Variants in CTNNA3 observed in about 807,000 individuals in gnomAD.
The protein encoded by CTNNA3 is catenin alpha 3, also known as catenin alpha-3.
A neutral mutation model predicts 95.7 loss-of-function variants in CTNNA3; 76 were observed. That is an observed-to-expected ratio of 0.79 (90% confidence interval 0.66 to 0.96). CTNNA3 has a LOEUF of 0.96. Ranked by LOEUF, CTNNA3 falls within the 40% of genes least tolerant of loss-of-function variation. The pLI is 0.00. For missense variants in CTNNA3, 1,191 were observed against 1,089.8 expected (o/e 1.09, Z -1.31); for synonymous variants, 431 against 374.4 (o/e 1.15, Z -1.74).
intron 15 of CTNNA3, among the ~76,000 whole-genome samples, chr10:66,056,427 T>C (rs2080089273): frequency 6.6e-6 from 1 of 152,152 alleles, no homozygotes; most frequent in Admixed American, 6.6e-5. Context: ...GTGAATTCTG[T>C]TTGCTAGTAT....
chr10:66,519,541 T>C (rs1175761350), intron 11 of CTNNA3, among the ~76,000 whole-genome samples: 1 of 152,130 alleles, frequency 6.6e-6, no homozygotes, highest in African/African-American at 2.4e-5. Context: ...ATCTCTCTGC[T>C]CAGTGAGATA....
At chr10:67,408,881 A>C (rs1432641442) in intron 5 of CTNNA3, among the ~76,000 whole-genome samples, 12 of 103,542 alleles carry the variant, frequency 1.2e-4, no homozygotes, top group African/African-American at 3.6e-4. Flanking sequence ...ACTTAAATTT[A>C]CAAAAAAAAA....
chr10:67,067,246 T>G (rs959101819), intron 7 of CTNNA3, among the ~76,000 whole-genome samples: 8 of 152,208 alleles, frequency 5.3e-5, no homozygotes, highest in Non-Finnish European at 1.0e-4. Context: ...TATTTATATA[T>G]TTGTCTGTTC....
At chr10:66,051,397 C>T (rs1451540305) in intron 15 of CTNNA3, among the ~76,000 whole-genome samples, 3 of 152,174 alleles carry the variant, frequency 2.0e-5, no homozygotes, top group Non-Finnish European at 4.4e-5. Flanking sequence ...TCCTGGACTT[C>T]GTTCCACTGC....
At chr10:67,604,144 T>C (rs766007554) in intron 3 of CTNNA3, among the ~76,000 whole-genome samples, 35 of 152,330 alleles carry the variant, frequency 2.3e-4, no homozygotes, top group Middle Eastern at 3.4e-3. Flanking sequence ...TTTGTGTAAG[T>C]ACACTCTATG....
chr10:66,224,719 A>G (rs977070050), intron 13 of CTNNA3, among the ~76,000 whole-genome samples: 2 of 152,186 alleles, frequency 1.3e-5, no homozygotes, highest in African/African-American at 4.8e-5. Context: ...TGGCTTTCTT[A>G]AAATACGAAC....
intron 2 of CTNNA3, among the ~76,000 whole-genome samples, chr10:67,639,253 T>G (rs943151973): frequency 6.6e-6 from 1 of 152,082 alleles, no homozygotes; most frequent in Non-Finnish European, 1.5e-5. Context: ...CTAGAAAATC[T>G]CAAAGAAATG....
intron 5 of CTNNA3, among the ~76,000 whole-genome samples, chr10:67,291,095 T>C (rs1412213584): frequency 6.6e-6 from 1 of 152,128 alleles, no homozygotes; most frequent in African/African-American, 2.4e-5. Flanking sequence ...TTTTTGGCTA[T>C]ATAATAAATT....
chr10:67,654,097 G>C (rs1332944832), intron 1 of CTNNA3, among the ~76,000 whole-genome samples: 1 of 152,232 alleles, frequency 6.6e-6, no homozygotes, highest in Non-Finnish European at 1.5e-5. Flanking sequence ...AAGACAGCCA[G>C]AAGTGGGAAG....
At chr10:67,531,774 C>A (rs1840335401) in intron 4 of CTNNA3, among the ~76,000 whole-genome samples, 1 of 152,092 alleles carries the variant, frequency 6.6e-6, no homozygotes. Flanking sequence ...TGTGTCCCCA[C>A]CCAAATCTCA....
In CTNNA3 at chr10:65,966,614, C is replaced by T. The variant is rs991064328; in HGVS notation, c.2398G>A (p.Ala800Thr). The stretch of plus-strand genomic sequence containing the variant: ...TGTAAGTGCTAGGCAGTACTCACAG[C>T]TGACATGATGAGCTCTCCTCCCAGG... ...QNLGGELIMS[A>T]LDSVTSLIQA... The change falls in exon 17 of 18, where the codon GCT (alanine) becomes ACT (threonine). Residue 800 changes from alanine (A) to threonine (T), a missense_variant and splice_region_variant. Ala to Thr is a moderately conservative substitution (Grantham distance 58). Transcript: ENST00000433211. The T allele has an allele frequency of 6.2e-7, 1 of 1,613,190 alleles. No individual in the cohort carries two copies. The highest frequency in any genetic ancestry group is 1.7e-5 in the Admixed American group (1 of 59,972).
At chr10:66,520,481 A>C (rs1841020962) in intron 11 of CTNNA3, 136 bp downstream of exon 11, 1 of 648,798 alleles carries the variant, frequency 1.5e-6, no homozygotes, top group African/African-American at 1.9e-5. Context: ...CGAATCCCTG[A>C]CCTCAAGTAA....
chr10:66,553,580 GC>G lies in CTNNA3; in HGVS notation c.1375-32808del, dbSNP rs1331695810. ...CTTGCTCTGTCACCCAGGCTGGAGT[GC>G]AGTGGCGCCCATCTTGGCTCACTGC... is the stretch of plus-strand genomic sequence containing the variant. On this transcript the variant is annotated intron_variant, in intron 10 of 17. Transcript: ENST00000433211. Among the ~76,000 whole-genome samples, 11 of 119,758 alleles carry G rather than the reference GC, an allele frequency of 9.2e-5. No homozygotes were observed. In the Admixed American group the frequency reaches 1.1e-3, roughly 12 times the overall value. The allele number at this position is 119,758 out of a possible 152,430, so 78.6% of individuals were successfully genotyped here.
chr10:66,772,512 G>A (rs929130662), intron 8 of CTNNA3, among the ~76,000 whole-genome samples: 1 of 151,798 alleles, frequency 6.6e-6, no homozygotes, highest in East Asian at 1.9e-4. Flanking sequence ...GCGAAGGAGA[G>A]CTGAAGGAAA....
chr10:67,445,615 G>A (rs534205172), intron 5 of CTNNA3, among the ~76,000 whole-genome samples: 62 of 152,228 alleles, frequency 4.1e-4, no homozygotes, highest in African/African-American at 1.5e-3. Flanking sequence ...CCGGGGATTA[G>A]ATTTCCAACA....
chr10:65,920,204 T>A lies in CTNNA3; in HGVS notation c.*126A>T, dbSNP rs921523871. 2.5e-6 allele frequency: 2 copies of A among 794,216 alleles called. No homozygotes were observed. Among genetic ancestry groups the A allele is most frequent in the African/African-American group, 3.5e-5 (2 of 57,660 alleles). The allele number at this position is 794,216 out of a possible 1,614,324, so 49.2% of individuals were successfully genotyped here. The stretch of plus-strand genomic sequence containing the variant: ...TTGCTTTTGTTGATTTAGCGCCCAA[T>A]ATTTTATGTTATTTGTGAGTTAAAC... On this transcript the variant is annotated 3_prime_UTR_variant, in exon 18 of 18. Transcript: ENST00000433211.
intron 5 of CTNNA3, among the ~76,000 whole-genome samples, chr10:67,436,223 A>G (rs1846294657): frequency 6.6e-6 from 1 of 152,170 alleles, no homozygotes; most frequent in South Asian, 2.1e-4. Flanking sequence ...TGAAGTGAGG[A>G]GAGGACACCC....
intron 11 of CTNNA3, among the ~76,000 whole-genome samples, chr10:66,489,696 C>T (rs1353916878): frequency 6.6e-6 from 1 of 152,172 alleles, no homozygotes; most frequent in Non-Finnish European, 1.5e-5. Flanking sequence ...GTATACTTAT[C>T]TCATGCAAGT....
chr10:67,666,012 G>C (rs967032609), intron 1 of CTNNA3, among the ~76,000 whole-genome samples: 1 of 152,142 alleles, frequency 6.6e-6, no homozygotes, highest in Admixed American at 6.5e-5. Flanking sequence ...TTAAGAATAT[G>C]CCTGTTATTT....
Sources: allele counts gnomAD v4.1 joint callset (sites outside exome capture counted in the v4.1 genomes callset), GRCh38; gene constraint gnomAD v4.1.1; transcripts MANE v1.5; gene names NCBI Gene and HGNC (gene_info 2026-07-23, HGNC 2026-07-21).